Variants in BAZ2A observed in about 807,000 individuals in gnomAD.
BAZ2A encodes bromodomain adjacent to zinc finger domain 2A, also known as bromodomain adjacent to zinc finger domain protein 2A.
BAZ2A carries 34 observed loss-of-function variants against 199.9 expected under a neutral mutation model. The ratio of observed to expected loss-of-function variants is 0.17; its 90% CI spans 0.13 to 0.23. The LOEUF (loss-of-function observed/expected upper bound fraction) is 0.23. BAZ2A is among the 10% of genes least tolerant of loss of function. The probability of loss-of-function intolerance (pLI) is 1.00; values close to 1 mark genes in which losing one functional copy is unlikely to be tolerated. For missense variants in BAZ2A, 2,002 were observed against 2,391.1 expected (o/e 0.84, Z 3.39); for synonymous variants, 857 against 883.9 (o/e 0.97, Z 0.54).
At chr12:56,605,442 G>C in intron 13 of BAZ2A, 115 bp from the exon 14 acceptor site, 1 of 1,031,506 alleles carries the variant, frequency 9.7e-7, no homozygotes, top group Non-Finnish European at 1.4e-6. Flanking sequence ...TTTTTTTTGA[G>C]ATAGGGTCTC....
At position 56,600,500 on chromosome 12, in the gene BAZ2A, A is replaced by G; in HGVS notation, c.4603-10T>C. ...TAGGACATGTCCAGCCCTTCAGTTA[A>G]GAGAGAGGAATAAAACTCACTGTAA... On this transcript the variant is annotated splice_polypyrimidine_tract_variant and intron_variant, in intron 23 of 28. Transcript: ENST00000549884. 6.2e-7 allele frequency: 1 copy of G among 1,609,488 alleles called. No individual in the cohort carries two copies.
At chr12:56,604,958 A>G in intron 14 of BAZ2A, 115 bp downstream of exon 14, 1 of 1,418,250 alleles carries the variant, frequency 7.1e-7, no homozygotes, top group Non-Finnish European at 9.4e-7. Context: ...GAAAAATAAA[A>G]TAAGGAGAGG....
intron 5 of BAZ2A, among the ~76,000 whole-genome samples, chr12:56,612,472 A>G (rs1950588903): frequency 6.6e-6 from 1 of 152,216 alleles, no homozygotes; most frequent in African/African-American, 2.4e-5. Context: ...CCTGGTGCCA[A>G]TAAAGCTTCT....
rs746871652 is a variant in BAZ2A at position 56,602,840 on chromosome 12, G to A, written c.3297C>T (p.Arg1099=). ...TCTGGGATGAGTGAAGCAGCTTTTT[G>A]CGAAAGAAAAGCTGACGCTGGGTAG... The part of the protein sequence containing the change: ...EKLSKRQLFF[R]KKLLHSSQML... Residue 1099 remains arginine (R), a synonymous_variant, in exon 19 of 29, where the codon CGC becomes CGT. Transcript: ENST00000549884. 15 of 1,612,060 alleles carry A rather than the reference G, an allele frequency of 9.3e-6. No individual in the cohort carries two copies. The Admixed American group carries it at 1.8e-4, about 20-fold the overall frequency.
upstream of BAZ2A, among the ~76,000 whole-genome samples, chr12:56,631,461 A>G (rs1438201618): frequency 1.3e-5 from 2 of 151,800 alleles, no homozygotes; most frequent in Non-Finnish European, 2.9e-5. Context: ...AAAAAAAAAA[A>G]AAAAAAAAAA....
upstream of BAZ2A, among the ~76,000 whole-genome samples, chr12:56,632,601 A>T (rs890410733): frequency 2.0e-5 from 3 of 152,126 alleles, no homozygotes; most frequent in African/African-American, 7.2e-5. Flanking sequence ...CTCCAGGGCA[A>T]CCTTTAGGAC....
In BAZ2A at chr12:56,630,290, G is replaced by C. The variant is rs928093885; in HGVS notation, c.-168C>G. On this transcript the variant is annotated 5_prime_UTR_variant, in exon 1 of 29. Coordinates refer to ENST00000549884, the MANE Select transcript of BAZ2A (RefSeq NM_001300905.2). ...GAGGGGGACGCGGCTCAACCGCGGGGCCCGAGAGGAGCCAACATGGCCGGC... is the reference window on the plus strand; with the variant it reads ...GAGGGGGACGCGGCTCAACCGCGGGCCCCGAGAGGAGCCAACATGGCCGGC... The C allele has an allele frequency of 2.0e-6, 2 of 984,800 alleles. No individual in the cohort carries two copies. Among genetic ancestry groups the C allele is most frequent in the Admixed American group, 1.2e-4 (2 of 16,278 alleles). 61.0% of individuals were successfully genotyped at this position (984,800 alleles called of 1,614,324 possible).
chr12:56,598,676 C>T lies in BAZ2A; in HGVS notation c.5654G>A (p.Arg1885His). Residue 1885 changes from arginine to histidine, a missense_variant, in exon 29 of 29, where the codon CGC becomes CAC. Physicochemically the swap from Arg to His is conservative, Grantham distance 29 (BLOSUM62 0). Around this residue, in one of 6 missense-constraint regions of BAZ2A, gnomAD observed 76 missense variants for 139.3 expected, o/e 0.55. Coordinates refer to ENST00000549884, the MANE Select transcript of BAZ2A (RefSeq NM_001300905.2). ...CTCCCAGCGGCTCTCGAAGAAGCGG[C>T]GCATGATGTGCCCAGCCTTGCCTAC... Reference protein sequence around the residue: ...SEVGKAGHIMRRFFESRWEEF... With the variant: ...SEVGKAGHIMHRFFESRWEEF... The T allele has an allele frequency of 1.9e-6, 3 of 1,613,770 alleles. No homozygotes were observed. The highest frequency in any genetic ancestry group is 2.5e-6 in the Non-Finnish European group (3 of 1,179,802).
rs76766260 is a variant in BAZ2A, at chr12:56,600,520, C to A, written c.4603-30G>T. 3.8e-6 allele frequency: 6 copies of A among 1,587,632 alleles called. No individual in the cohort carries two copies. In the African/African-American group the frequency reaches 6.8e-5, roughly 18 times the overall value. ...AGTTAAGAGAGAGGAATAAAACTCA[C>A]TGTAAAAGGAGGAAAATTTGGCATA... On this transcript the variant is annotated intron_variant, in intron 23 of 28. Transcript: ENST00000549884.
In BAZ2A at chr12:56,602,162, T is replaced by C; in HGVS notation, c.3455A>G (p.Asp1152Gly). The change falls in exon 20 of 29, where the codon GAC becomes GGC. Residue 1152 changes from aspartate (D) to glycine (G), a missense_variant. This residue lies in a region of BAZ2A where 1,081 missense variants were observed against 1,274.7 expected (regional missense o/e 0.85). Transcript: ENST00000549884. ...VPEEVIKKETDSLKVAAHASL... is the reference protein window; with the variant it reads ...VPEEVIKKETGSLKVAAHASL... ...CGCATGGGCTGCCACTTTTAAGGAG[T>C]CAGTTTCCTTCTTTATCACCTCCTC... is the stretch of plus-strand genomic sequence containing the variant. 1 of 1,588,928 alleles carries C rather than the reference T, an allele frequency of 6.3e-7. No homozygotes were observed. Among genetic ancestry groups the C allele is most frequent in the Non-Finnish European group, 8.6e-7 (1 of 1,167,052 alleles).
chr12:56,627,141 T>C (rs1951120941), intron 1 of BAZ2A, among the ~76,000 whole-genome samples: 1 of 152,218 alleles, frequency 6.6e-6, no homozygotes, highest in Non-Finnish European at 1.5e-5. Context: ...GAAAAGATGA[T>C]TTAAATGACA....
chr12:56,636,118 T>C, intron 1 of BAZ2A: 1 of 1,523,038 alleles, frequency 6.6e-7, no homozygotes, highest in Non-Finnish European at 8.9e-7. Flanking sequence ...CCACCCCTGC[T>C]GAGTCAGCCA....
Position 56,600,209 on chromosome 12 carries a change from A to G in BAZ2A, c.4884T>C (p.Thr1628=). ...GGGTGGGAGTCACTCACATCTCTGT[A>G]GTGGTGCCCTCAGGGGCACCATTAG... ...STPNGAPEGT[T]TEISYEITPR... is the part of the protein sequence containing the mutation. The change falls in exon 24 of 29, where the codon ACT becomes ACC. Residue 1628 remains threonine, a synonymous_variant. Coordinates refer to ENST00000549884, the MANE Select transcript of BAZ2A (RefSeq NM_001300905.2). The G allele has an allele frequency of 6.2e-7, 1 of 1,613,966 alleles. No homozygotes were observed.
intron 26 of BAZ2A, 113 bp from the exon 27 acceptor site, chr12:56,599,471 G>A (rs563665077): frequency 1.5e-5 from 20 of 1,318,338 alleles, no homozygotes; most frequent in African/African-American, 2.9e-5. Flanking sequence ...TGCATAAGCC[G>A]GCATTGGTTT....
Position 56,617,519 on chromosome 12 carries a change from G to C in BAZ2A, c.12C>G (p.Asn4Lys). Residue 4 changes from asparagine (N) to lysine (K), a missense_variant, in exon 2 of 29, where the codon AAC (asparagine) becomes AAG (lysine). Asn to Lys is a moderately conservative substitution (Grantham distance 94). Around this residue, in one of 6 missense-constraint regions of BAZ2A, gnomAD observed 641 missense variants for 694.5 expected, o/e 0.92. Coordinates refer to ENST00000549884, the MANE Select transcript of BAZ2A (RefSeq NM_001300905.2). MEA[N>K]DHFNFTGLPP... ...GAAGGCCAGTAAAGTTAAAATGGTC[G>C]TTTGCCTCCATTTCTGCAGGAGGGG... is the stretch of plus-strand genomic sequence containing the variant. 6.2e-7 allele frequency: 1 copy of C among 1,607,078 alleles called. No individual in the cohort carries two copies.
At chr12:56,634,881 G>A (rs775096638), upstream of BAZ2A, 120 of 979,898 alleles carry the variant, frequency 1.2e-4, 1 homozygote, top group South Asian at 7.1e-4. Flanking sequence ...GGATCCCGGG[G>A]CAGGATACCG....
intron 1 of BAZ2A, among the ~76,000 whole-genome samples, chr12:56,628,364 AAAAG>A (rs890955365): frequency 1.1e-4 from 16 of 151,862 alleles, no homozygotes; most frequent in African/African-American, 3.9e-4. Flanking sequence ...TTATCAAGTG[AAAAG>A]AAAGAAAAAA....
Position 56,603,646 on chromosome 12 carries a change from C to T in BAZ2A, c.3093G>A (p.Gly1031=). 6.2e-7 allele frequency: 1 copy of T among 1,614,050 alleles called. No homozygotes were observed. Among genetic ancestry groups the T allele is most frequent in the Non-Finnish European group, 8.5e-7 (1 of 1,179,902 alleles). The part of the protein sequence containing the change: ...RTGRSEVEME[G]PEECLGRRRS... The stretch of plus-strand genomic sequence containing the variant: ...GCCTCCGTCCCAGGCATTCCTCTGG[C>T]CCTTCCATCTCTACTTCAGACCGCC... Residue 1031 remains glycine (G), a synonymous_variant, in exon 17 of 29, where the codon GGG becomes GGA. Transcript: ENST00000549884.
chr12:56,614,850 C>A (rs1950666895), intron 3 of BAZ2A, 164 bp downstream of exon 3: 1 of 756,628 alleles, frequency 1.3e-6, no homozygotes, highest in Non-Finnish European at 2.1e-6. Flanking sequence ...GCTGCTGCCA[C>A]AAAAACACCA....
Sources: gnomAD v4.1 joint callset for allele counts (sites outside exome capture counted in the v4.1 genomes callset) on GRCh38, gnomAD v4.1.1 for gene constraint, gnomAD v4.1.1 regional missense constraint, MANE v1.5 for transcripts, NCBI Gene and HGNC (gene_info 2026-07-23, HGNC 2026-07-21) for gene names.